Variants in NCALD observed in about 807,000 individuals in gnomAD.
NCALD encodes neurocalcin delta.
NCALD carries 10 observed loss-of-function variants against 18.6 expected under a neutral mutation model. The observed-to-expected ratio is 0.54, with a 90% CI of 0.33 to 0.91. The LOEUF (loss-of-function observed/expected upper bound fraction) is 0.91. NCALD is among the 40% of genes least tolerant of loss of function. NCALD has a pLI of 0.03. For synonymous variants in NCALD, 88 were observed against 87.4 expected, an observed-to-expected ratio of 1.01 and a Z score of -0.04; for missense variants, 184 against 247.6, an observed-to-expected ratio of 0.74 and a Z score of 1.72.
intron 1 of NCALD, among the ~76,000 whole-genome samples, chr8:101,780,854 A>T (rs1811984197): frequency 6.6e-6 from 1 of 152,192 alleles, no homozygotes; most frequent in Non-Finnish European, 1.5e-5. Flanking sequence ...AACCTGTAGC[A>T]TAACTAAGTT....
At chr8:102,098,619 C>T (rs1244009576) in intron 1 of NCALD, among the ~76,000 whole-genome samples, 1 of 152,192 alleles carries the variant, frequency 6.6e-6, no homozygotes, top group Non-Finnish European at 1.5e-5. Context: ...CTTTGGTAGG[C>T]CTCGTGTCAT....
chr8:101,844,670 C>A (rs1439295948), intron 4 of NCALD, among the ~76,000 whole-genome samples: 7 of 152,076 alleles, frequency 4.6e-5, no homozygotes, highest in Admixed American at 1.3e-4. Flanking sequence ...CCTCTAAATT[C>A]TTTTGCCTTC....
chr8:101,726,424 C>A (rs1816576742), intron 1 of NCALD, among the ~76,000 whole-genome samples: 1 of 152,044 alleles, frequency 6.6e-6, no homozygotes, highest in Admixed American at 6.6e-5. Context: ...AGAAAAGGGG[C>A]ACCTGGTTGT....
intron 4 of NCALD, among the ~76,000 whole-genome samples, chr8:101,810,281 T>C (rs1465624623): frequency 6.6e-6 from 1 of 152,190 alleles, no homozygotes; most frequent in Non-Finnish European, 1.5e-5. Context: ...CTTGATTGTA[T>C]TGTCTGTAAG....
chr8:101,939,958 C>A (rs1307220398), intron 2 of NCALD, among the ~76,000 whole-genome samples: 1 of 152,224 alleles, frequency 6.6e-6, no homozygotes, highest in Non-Finnish European at 1.5e-5. Context: ...CTTTTCTCAT[C>A]ATACTATAAA....
rs977026624 is a variant in NCALD at position 102,004,444 on chromosome 8, G to A, written c.-157+15793C>T. On this transcript the variant is annotated intron_variant, in intron 2 of 6. Coordinates refer to the NCALD transcript ENST00000311028. The stretch of plus-strand genomic sequence containing the variant: ...AGGAAGAATCAATATTGTGAAAATG[G>A]CCATACTGCCCAAGGTAATTTATAG... Among the ~76,000 whole-genome samples the A allele has an allele frequency of 8.0e-4, 122 of 152,150 alleles. 1 individual carries two copies. Among genetic ancestry groups the A allele is most frequent in the Admixed American group, 1.8e-3 (27 of 15,286 alleles).
At chr8:101,707,048 T>C (rs759000385) in intron 2 of NCALD, among the ~76,000 whole-genome samples, 3 of 152,192 alleles carry the variant, frequency 2.0e-5, no homozygotes, top group Admixed American at 6.5e-5. Context: ...ATGCTCATAA[T>C]TGAGAATTAC....
chr8:101,807,828 A>G (rs975804831), intron 4 of NCALD, among the ~76,000 whole-genome samples: 2 of 152,202 alleles, frequency 1.3e-5, no homozygotes, highest in Non-Finnish European at 2.9e-5. Context: ...TAATAAAAGC[A>G]TTTAATTTTT....
At chr8:102,055,184 G>A (rs746820334) in intron 1 of NCALD, among the ~76,000 whole-genome samples, 2 of 151,600 alleles carry the variant, frequency 1.3e-5, no homozygotes, top group African/African-American at 2.4e-5. Context: ...GGCGCCACTC[G>A]GTGAGACAAT....
At chr8:101,987,984 C>G (rs1443332015) in intron 2 of NCALD, among the ~76,000 whole-genome samples, 1 of 151,994 alleles carries the variant, frequency 6.6e-6, no homozygotes, top group Non-Finnish European at 1.5e-5. Context: ...GAAACCCCGT[C>G]TCTACTAAAA....
chr8:101,895,580 G>C (rs1000536135), intron 3 of NCALD, among the ~76,000 whole-genome samples: 2 of 149,642 alleles, frequency 1.3e-5, no homozygotes, highest in African/African-American at 2.5e-5. Flanking sequence ...AATTGTCCCT[G>C]TTTGCAGATG....
chr8:101,872,731 C>G (rs1586669423), intron 4 of NCALD, among the ~76,000 whole-genome samples: 1 of 152,190 alleles, frequency 6.6e-6, no homozygotes, highest in Admixed American at 6.5e-5. Context: ...TAGAGGAAGT[C>G]TACACTCATT....
At chr8:101,788,275 G>A (rs1812311639) in intron 1 of NCALD, among the ~76,000 whole-genome samples, 1 of 152,150 alleles carries the variant, frequency 6.6e-6, no homozygotes, top group Non-Finnish European at 1.5e-5. Context: ...AAATTCAAGA[G>A]GGCCTGGGGA....
chr8:102,075,533 A>G (rs932288700), intron 1 of NCALD, among the ~76,000 whole-genome samples: 1 of 152,204 alleles, frequency 6.6e-6, no homozygotes, highest in African/African-American at 2.4e-5. Context: ...TATTTATTGC[A>G]TCTCTTAGGG....
intron 2 of NCALD, among the ~76,000 whole-genome samples, chr8:101,924,287 G>A (rs933957638): frequency 2.0e-5 from 3 of 152,056 alleles, no homozygotes; most frequent in African/African-American, 4.8e-5. Context: ...ATCCATTCAC[G>A]CTAATGGTGA....
In NCALD at chr8:101,997,748, AC is replaced by A. The variant is rs747241329; in HGVS notation, c.-157+22488del. Among the ~76,000 whole-genome samples the A allele has an allele frequency of 1.2e-4, 18 of 152,266 alleles. No individual in the cohort carries two copies. The East Asian group carries it at 3.3e-3, about 28-fold the overall frequency. ...GCAGAAGTTCTTAAATGATCCTGGG[AC>A]CAGGTTTGGTTAAAGTTGCCAAGAG... On this transcript the variant is annotated intron_variant, in intron 2 of 6. Coordinates refer to the NCALD transcript ENST00000311028.
intron 3 of NCALD, among the ~76,000 whole-genome samples, chr8:101,888,488 G>T (rs1357017002): frequency 1.3e-5 from 2 of 151,986 alleles, no homozygotes; most frequent in African/African-American, 4.8e-5. Flanking sequence ...AGCAATAATA[G>T]CTCAGTGTAA....
chr8:102,100,088 AT>A (rs1320879329), intron 1 of NCALD, among the ~76,000 whole-genome samples: 2 of 152,186 alleles, frequency 1.3e-5, no homozygotes, highest in African/African-American at 4.8e-5. Context: ...TGAAAAAAAA[AT>A]CACACTTTTC....
chr8:101,971,452 TAGTGAGTTCTCATGAG>T (rs1586848270), intron 2 of NCALD, among the ~76,000 whole-genome samples: 1 of 152,198 alleles, frequency 6.6e-6, no homozygotes, highest in Non-Finnish European at 1.5e-5. Context: ...GTTCTCATGA[TAGTGAGTTCTCATGAG>T]ATCTGATGGT....
Sources: gnomAD v4.1 joint callset for allele counts (sites outside exome capture counted in the v4.1 genomes callset) on GRCh38, gnomAD v4.1.1 for gene constraint, MANE v1.5 for transcripts, NCBI Gene and HGNC (gene_info 2026-07-23, HGNC 2026-07-21) for gene names.